ESR1: variants seen among roughly 807,000 people sequenced by gnomAD.
ESR1 encodes estrogen receptor.
ESR1 carries 12 observed loss-of-function variants against 52.7 expected under a neutral mutation model. That is an observed-to-expected ratio of 0.23 (90% CI 0.15 to 0.37). ESR1 has a LOEUF of 0.37. Ranked by LOEUF, ESR1 falls within the 10% of genes least tolerant of loss-of-function variation. ESR1 has a pLI of 1.00. For synonymous variants in ESR1, 305 were observed against 316.8 expected, an observed-to-expected ratio of 0.96 and a Z score of 0.39; for missense variants, 584 against 779.7, an observed-to-expected ratio of 0.75 and a Z score of 2.99.
At position 152,098,695 on chromosome 6, in the gene ESR1, C is replaced by T. The variant is rs371319524; in HGVS notation, c.1554-37C>T. ...TCAGCACTCCTGGGGCTCGGGTTGG[C>T]TCTAAAGTAGTCCTTTCTGTGTCTT... On this transcript the variant is annotated intron_variant, in intron 7 of 7. Transcript: ENST00000206249. This position sits in a 1 kb window ranked among gnomAD's most constrained non-coding sequence, Gnocchi z 5.1. 29 of 1,571,254 alleles carry T rather than the reference C, an allele frequency of 1.8e-5. No homozygotes were observed. Among genetic ancestry groups the T allele is most frequent in the Non-Finnish European group, 4.4e-6 (5 of 1,143,472 alleles).
intron 2 of ESR1, among the ~76,000 whole-genome samples, chr6:151,704,222 A>G (rs1780011616): frequency 6.6e-6 from 1 of 152,060 alleles, no homozygotes; most frequent in African/African-American, 2.4e-5. Flanking sequence ...TCAAGTTACA[A>G]AGTCGATTCT....
At chr6:151,848,827 T>C (rs959421755) in intron 2 of ESR1, among the ~76,000 whole-genome samples, 1 of 152,176 alleles carries the variant, frequency 6.6e-6, no homozygotes, top group Non-Finnish European at 1.5e-5. Context: ...AGTTTACAGC[T>C]CTCAGTGTAA....
chr6:151,945,874 G>A (rs1008989676), intron 4 of ESR1, among the ~76,000 whole-genome samples: 1 of 152,220 alleles, frequency 6.6e-6, no homozygotes, highest in Non-Finnish European at 1.5e-5. Flanking sequence ...GGAGCCAGCA[G>A]TACCAGAACC....
At position 151,745,344 on chromosome 6, in the gene ESR1, T is replaced by G. The variant is rs1267155041; in HGVS notation, c.-71+43339T>G. Among the ~76,000 whole-genome samples the G allele has an allele frequency of 2.0e-5, 3 of 152,192 alleles. 1 individual carries two copies. The highest frequency in any genetic ancestry group is 2.9e-5 in the Non-Finnish European group (2 of 68,036). Reference sequence around the variant, plus strand: ...GCATGGTATGGCTTTGGTTGCTTACTGTGGCATTGGTGCTTATGGGATAGC... The same window carrying G: ...GCATGGTATGGCTTTGGTTGCTTACGGTGGCATTGGTGCTTATGGGATAGC... On this transcript the variant is annotated intron_variant, in intron 2 of 2. Transcript: ENST00000404742.
chr6:152,038,033 C>A (rs1188845222), intron 5 of ESR1, among the ~76,000 whole-genome samples: 1 of 152,090 alleles, frequency 6.6e-6, no homozygotes, highest in African/African-American at 2.4e-5. Flanking sequence ...GGCAAGGAAG[C>A]CAGTCTGAGT....
At chr6:151,869,965 A>G (rs1400601453) in intron 2 of ESR1, among the ~76,000 whole-genome samples, 2 of 152,164 alleles carry the variant, frequency 1.3e-5, no homozygotes, top group African/African-American at 2.4e-5. Context: ...TGGTTGTGAA[A>G]TAGTTCAAAT....
intron 1 of ESR1, among the ~76,000 whole-genome samples, chr6:151,832,840 G>A (rs942713926): frequency 6.6e-6 from 1 of 152,158 alleles, no homozygotes; most frequent in African/African-American, 2.4e-5. Flanking sequence ...AAGGAACACA[G>A]AATTTTAGTC....
At chr6:151,731,861 T>A (rs1782269535) in intron 2 of ESR1, among the ~76,000 whole-genome samples, 1 of 152,188 alleles carries the variant, frequency 6.6e-6, no homozygotes, top group African/African-American at 2.4e-5. Context: ...TGCAGCAGAT[T>A]TCTGCATCAG....
intron 2 of ESR1, among the ~76,000 whole-genome samples, chr6:151,848,657 G>A (rs1785658123): frequency 6.6e-6 from 1 of 152,068 alleles, no homozygotes; most frequent in Admixed American, 6.6e-5. Context: ...TAGAAGTGGA[G>A]GCTGCCCGCC....
intron 5 of ESR1, among the ~76,000 whole-genome samples, chr6:152,029,406 G>A (rs1208309428): frequency 3.9e-5 from 6 of 152,096 alleles, no homozygotes; most frequent in Admixed American, 2.0e-4. Flanking sequence ...AAGATTAGAC[G>A]AATGGCTACC....
chr6:151,902,712 A>G (rs1297741465), intron 3 of ESR1, among the ~76,000 whole-genome samples: 1 of 152,234 alleles, frequency 6.6e-6, no homozygotes, highest in Non-Finnish European at 1.5e-5. Context: ...CTTAGTAAGT[A>G]TGTATAAGGA....
intron 3 of ESR1, among the ~76,000 whole-genome samples, chr6:151,927,075 A>T (rs982258796): frequency 1.3e-5 from 2 of 152,158 alleles, no homozygotes; most frequent in African/African-American, 4.8e-5. Flanking sequence ...ATTTTGTCAA[A>T]TAGTTTTCCT....
chr6:151,691,095 G>C (rs1046798480), intron 1 of ESR1, among the ~76,000 whole-genome samples: 27 of 152,194 alleles, frequency 1.8e-4, no homozygotes, highest in African/African-American at 6.0e-4. Flanking sequence ...CTGAATCTTT[G>C]GAGCCATAAC....
In ESR1 at chr6:152,100,523, C is replaced by T. The variant is rs2152509262; in HGVS notation, c.*1557C>T. 4.2e-6 allele frequency: 1 copy of T among 235,600 alleles called. No homozygotes were observed. The highest frequency in any genetic ancestry group is 1.8e-4 in the South Asian group (1 of 5,546). 14.6% of individuals were successfully genotyped at this position (235,600 alleles called of 1,614,324 possible). On this transcript the variant is annotated 3_prime_UTR_variant, in exon 8 of 8. Transcript: ENST00000206249. ...CATTCCAGCCACAGGGCAGCCTTCC[C>T]TGGGCCTTTGCTTCTCTAGCACAAT...
intron 5 of ESR1, among the ~76,000 whole-genome samples, chr6:152,044,643 C>T (rs569240492): frequency 3.9e-5 from 6 of 152,062 alleles, no homozygotes; most frequent in East Asian, 1.9e-4. Context: ...AGTTCAAAAG[C>T]TGAAGAACTT....
At chr6:151,828,395 G>T (rs1781854360) in intron 1 of ESR1, among the ~76,000 whole-genome samples, 1 of 152,190 alleles carries the variant, frequency 6.6e-6, no homozygotes. Flanking sequence ...GTACAAAGAA[G>T]AGAGGTAGCA....
intron 1 of ESR1, chr6:151,814,115 C>A (rs1267908182): frequency 1.3e-5 from 2 of 152,276 alleles, no homozygotes; most frequent in Non-Finnish European, 2.9e-5. Flanking sequence ...CAGCAGCCAA[C>A]TTGTGCTTAC....
intron 4 of ESR1, among the ~76,000 whole-genome samples, chr6:151,977,975 A>C (rs1370932643): frequency 5.9e-5 from 9 of 151,358 alleles, no homozygotes; most frequent in African/African-American, 2.2e-4. Flanking sequence ...AAAAAAAAAA[A>C]AAAACAAGGA....
intron 2 of ESR1, among the ~76,000 whole-genome samples, chr6:151,729,941 GA>G (rs1002900628): frequency 2.0e-5 from 3 of 151,986 alleles, no homozygotes; most frequent in Non-Finnish European, 4.4e-5. Flanking sequence ...AAAGAAAAAA[GA>G]AAAAAAGAGC....
Sources: gnomAD v4.1 joint callset for allele counts (sites outside exome capture counted in the v4.1 genomes callset) on GRCh38, gnomAD v4.1.1 for gene constraint, Gnocchi (gnomAD v3.1) non-coding constraint, MANE v1.5 for transcripts, NCBI Gene and HGNC (gene_info 2026-07-23, HGNC 2026-07-21) for gene names.